Variants in DOCK1 observed in about 807,000 individuals in gnomAD.
DOCK1 encodes dedicator of cytokinesis protein 1.
Under a neutral mutation model 262.7 loss-of-function variants are expected in DOCK1, and 138 were observed. That is an observed-to-expected ratio of 0.53 (90% confidence interval 0.46 to 0.61). The LOEUF is 0.61. DOCK1 is among the 20% of genes least tolerant of loss of function. DOCK1 has a pLI of 0.00. For synonymous variants in DOCK1, 866 were observed against 867.4 expected (o/e 1.00, Z 0.03); for missense variants, 1,908 against 2,370.7 (o/e 0.80, Z 4.05).
At chr10:127,408,975 G>A in intron 40 of DOCK1, 62 bp from the exon 41 acceptor site, 2 of 1,514,354 alleles carry the variant, frequency 1.3e-6, no homozygotes, top group Non-Finnish European at 8.8e-7. Flanking sequence ...CCAGCATATT[G>A]CATGTGAACT....
intron 29 of DOCK1, among the ~76,000 whole-genome samples, chr10:127,334,047 C>G (rs1319661570): frequency 6.6e-6 from 1 of 152,088 alleles, no homozygotes; most frequent in East Asian, 1.9e-4. Flanking sequence ...TTTTAAAATT[C>G]TATTGTAAAT....
At chr10:127,266,680 T>C (rs2135126428) in intron 29 of DOCK1, among the ~76,000 whole-genome samples, 1 of 152,348 alleles carries the variant, frequency 6.6e-6, no homozygotes, top group Admixed American at 6.5e-5. Context: ...GAGATGTGCA[T>C]GGTCTCTGAG....
chr10:127,388,011 T>G (rs962659815), intron 38 of DOCK1, among the ~76,000 whole-genome samples: 2 of 152,178 alleles, frequency 1.3e-5, no homozygotes, highest in African/African-American at 4.8e-5. Flanking sequence ...TTCTCCTGAC[T>G]GGGGGAAGAG....
At position 127,000,406 on chromosome 10, in the gene DOCK1, AT is replaced by A. The variant is rs2040502270; in HGVS notation, c.985+102del. On this transcript the variant is annotated intron_variant, in intron 10 of 51. Coordinates refer to ENST00000623213, the MANE Select transcript of DOCK1 (RefSeq NM_001290223.2). ...GTTGATTGGACAATGCACAGCTGTGATTTATAAGCTTTTCTGCTGGAGAGAA... is the reference window on the plus strand; with the variant it reads ...GTTGATTGGACAATGCACAGCTGTGATTATAAGCTTTTCTGCTGGAGAGAA... 4.1e-6 allele frequency: 6 copies of A among 1,451,158 alleles called. No homozygotes were observed. The South Asian group carries it at 8.7e-5, about 21-fold the overall frequency. The allele number at this position is 1,451,158 out of a possible 1,614,324, so 89.9% of individuals were successfully genotyped here. A position where few individuals can be genotyped will look rare whatever the true frequency, so the allele number is the denominator to read the frequency against.
intron 31 of DOCK1, among the ~76,000 whole-genome samples, chr10:127,352,408 T>C (rs2063930093): frequency 6.6e-6 from 1 of 151,950 alleles, no homozygotes. Flanking sequence ...ACACAGCAAG[T>C]CACTCCTGAA....
chr10:127,177,950 A>T (rs1459694711), intron 27 of DOCK1, among the ~76,000 whole-genome samples: 1 of 152,130 alleles, frequency 6.6e-6, no homozygotes, highest in Non-Finnish European at 1.5e-5. Context: ...CAGGAGCAGG[A>T]CCCTACTTTA....
intron 27 of DOCK1, among the ~76,000 whole-genome samples, chr10:127,129,404 C>T (rs2050169265): frequency 1.3e-5 from 2 of 152,172 alleles, no homozygotes; most frequent in East Asian, 3.9e-4. Flanking sequence ...TGTAAATTGG[C>T]TTTATTTACA....
In DOCK1 at chr10:127,280,281, G is replaced by A. The variant is rs910284267; in HGVS notation, c.3044+22852G>A. Among the ~76,000 whole-genome samples the A allele has an allele frequency of 2.2e-4, 33 of 151,974 alleles. No homozygotes were observed. In the Middle Eastern group the frequency reaches 0.014, roughly 63 times the overall value. On this transcript the variant is annotated intron_variant, in intron 29 of 51. Coordinates refer to ENST00000623213, the MANE Select transcript of DOCK1 (RefSeq NM_001290223.2). The stretch of plus-strand genomic sequence containing the variant: ...CATCTCCTGACCTCGTGATCCGCCC[G>A]CCTCGGCCTCCCAAAGTGCTGGGAT...
intron 27 of DOCK1, among the ~76,000 whole-genome samples, chr10:127,156,535 TTTCTTCTTCTTC>T (rs542677102): frequency 2.7e-4 from 25 of 94,188 alleles, no homozygotes; most frequent in East Asian, 1.9e-3. Context: ...CTTTTCTCTT[TTTCTTCTTCTTC>T]TTCTTCTTCT....
In DOCK1 at chr10:127,149,966, C is replaced by T. The variant is rs2052329532; in HGVS notation, c.2847+22202C>T. On this transcript the variant is annotated intron_variant, in intron 27 of 51. Coordinates refer to ENST00000623213, the MANE Select transcript of DOCK1 (RefSeq NM_001290223.2). The stretch of plus-strand genomic sequence containing the variant: ...CCAGGCTTTGATCTGACAGCAAGGA[C>T]TGTAACCTGAGCTATACTTTCCCCT... 4.6e-5 allele frequency among the ~76,000 whole-genome samples: 7 copies of T among 152,130 alleles called. No homozygotes were observed. The South Asian group carries it at 1.4e-3, about 32-fold the overall frequency.
At chr10:127,338,536 G>A (rs560591922) in intron 29 of DOCK1, among the ~76,000 whole-genome samples, 9 of 152,258 alleles carry the variant, frequency 5.9e-5, no homozygotes, top group Non-Finnish European at 1.0e-4. Flanking sequence ...TACTGAAGTC[G>A]TAAGCCATGC....
chr10:127,031,110 T>G (rs1211457902), intron 16 of DOCK1, among the ~76,000 whole-genome samples: 1 of 152,232 alleles, frequency 6.6e-6, no homozygotes. Flanking sequence ...TGATGGATAT[T>G]GCAAGGCAGG....
chr10:126,925,437 G>T (rs1240547733), intron 1 of DOCK1, among the ~76,000 whole-genome samples: 3 of 152,160 alleles, frequency 2.0e-5, no homozygotes. Context: ...AGGCTGCAGG[G>T]CAGTGGCACG....
chr10:126,936,617 T>C (rs1485174243), intron 1 of DOCK1, among the ~76,000 whole-genome samples: 1 of 152,198 alleles, frequency 6.6e-6, no homozygotes, highest in Non-Finnish European at 1.5e-5. Context: ...CCACCTCTGG[T>C]ATTGGTTCAA....
chr10:126,917,004 C>G (rs2032577173), intron 1 of DOCK1, among the ~76,000 whole-genome samples: 1 of 141,428 alleles, frequency 7.1e-6, no homozygotes, highest in East Asian at 2.3e-4. Context: ...TTTCAGAATT[C>G]CAGTTTGTCA....
At chr10:127,365,024 A>T (rs1025776140) in intron 33 of DOCK1, among the ~76,000 whole-genome samples, 4 of 149,968 alleles carry the variant, frequency 2.7e-5, no homozygotes, top group African/African-American at 9.7e-5. Flanking sequence ...CTAATACAAC[A>T]TTGTAAATAT....
chr10:126,948,776 G>A (rs1328769401), intron 1 of DOCK1, among the ~76,000 whole-genome samples: 1 of 152,062 alleles, frequency 6.6e-6, no homozygotes, highest in Non-Finnish European at 1.5e-5. Context: ...GAATCATTGT[G>A]AGCTGCTCTG....
chr10:127,305,041 C>T (rs953095537), intron 29 of DOCK1, among the ~76,000 whole-genome samples: 2 of 152,136 alleles, frequency 1.3e-5, no homozygotes, highest in Non-Finnish European at 2.9e-5. Context: ...ATCAACAGTT[C>T]TGCCTACAAT....
chr10:127,338,932 T>G lies in DOCK1; in HGVS notation c.3045-74T>G, dbSNP rs2063309565. On this transcript the variant is annotated intron_variant, in intron 29 of 51. Transcript: ENST00000623213. The stretch of plus-strand genomic sequence containing the variant: ...ATTCCAGACAGTCTGGGATTGTATC[T>G]AATTGAAATGCCAAACCTACCGAAG... 8 of 1,281,822 alleles carry G rather than the reference T, an allele frequency of 6.2e-6. No homozygotes were observed. The East Asian group carries it at 2.0e-4, about 32-fold the overall frequency. The allele number at this position is 1,281,822 out of a possible 1,614,324, so 79.4% of individuals were successfully genotyped here.
Sources: allele counts gnomAD v4.1 joint callset (sites outside exome capture counted in the v4.1 genomes callset), GRCh38; gene constraint gnomAD v4.1.1; transcripts MANE v1.5; gene names NCBI Gene and HGNC (gene_info 2026-07-23, HGNC 2026-07-21).